SLC24A3: variants seen among roughly 807,000 people sequenced by gnomAD.
SLC24A3 encodes the protein sodium/potassium/calcium exchanger 3.
Under a neutral mutation model 75.8 loss-of-function variants are expected in SLC24A3, and 28 were observed. The observed-to-expected ratio is 0.37, with a 90% CI of 0.27 to 0.51. The LOEUF (loss-of-function observed/expected upper bound fraction) is 0.51, where lower values mean the gene tolerates loss of function less well. Ranked by LOEUF, SLC24A3 falls within the 20% of genes least tolerant of loss-of-function variation. The probability of loss-of-function intolerance (pLI) is 0.94; values close to 1 mark genes in which losing one functional copy is unlikely to be tolerated. For synonymous variants in SLC24A3, 372 were observed against 334.1 expected (o/e 1.11, Z -1.24); for missense variants, 663 against 847.8 (o/e 0.78, Z 2.71).
intron 2 of SLC24A3, among the ~76,000 whole-genome samples, chr20:19,392,648 A>G (rs534523411): frequency 7.2e-5 from 11 of 152,302 alleles, no homozygotes; most frequent in Admixed American, 1.3e-4. Flanking sequence ...TGTGCCGTTG[A>G]GATTGATGAT....
intron 2 of SLC24A3, among the ~76,000 whole-genome samples, chr20:19,452,399 TGTG>T (rs1987501321): frequency 6.7e-6 from 1 of 150,066 alleles, no homozygotes. Context: ...TGTGTGTGTG[TGTG>T]TGTGTGTGTG....
At chr20:19,294,064 A>C (rs1984006252) in intron 2 of SLC24A3, among the ~76,000 whole-genome samples, 1 of 149,468 alleles carries the variant, frequency 6.7e-6, no homozygotes, top group African/African-American at 2.6e-5. Context: ...TACCTAATAC[A>C]ATGCCTATAC....
chr20:19,693,503 C>T, intron 13 of SLC24A3, 78 bp downstream of exon 13: 1 of 1,536,798 alleles, frequency 6.5e-7, no homozygotes, highest in Non-Finnish European at 8.8e-7. Flanking sequence ...AGGGTTTCAG[C>T]CGATAACTGT....
intron 15 of SLC24A3, among the ~76,000 whole-genome samples, chr20:19,711,386 A>G (rs2032990468): frequency 1.3e-5 from 2 of 151,662 alleles, no homozygotes; most frequent in South Asian, 4.2e-4. Context: ...AAACGCACAC[A>G]TATCCACACA....
intron 3 of SLC24A3, among the ~76,000 whole-genome samples, chr20:19,564,164 G>A (rs11905994): frequency 4.6e-5 from 7 of 152,106 alleles, no homozygotes; most frequent in Non-Finnish European, 7.4e-5. Flanking sequence ...ACAGGGTATG[G>A]CACTGGGGTT....
intron 2 of SLC24A3, among the ~76,000 whole-genome samples, chr20:19,406,139 C>T (rs1020711288): frequency 6.6e-6 from 1 of 151,724 alleles, no homozygotes; most frequent in Non-Finnish European, 1.5e-5. Context: ...CAGCCCATCC[C>T]GAAGTGCTTA....
chr20:19,683,940 A>T (rs1444580355), intron 10 of SLC24A3, among the ~76,000 whole-genome samples: 1 of 152,080 alleles, frequency 6.6e-6, no homozygotes, highest in Non-Finnish European at 1.5e-5. Context: ...AGGAAAGAAG[A>T]GTGGATGGAT....
At chr20:19,656,168 C>CT (rs1308361158) in intron 7 of SLC24A3, among the ~76,000 whole-genome samples, 14 of 152,222 alleles carry the variant, frequency 9.2e-5, no homozygotes, top group Admixed American at 2.6e-4. Context: ...CAGACAGGTA[C>CT]TTCAGTGACC....
intron 2 of SLC24A3, among the ~76,000 whole-genome samples, chr20:19,333,536 C>T (rs546008215): frequency 3.9e-5 from 6 of 151,962 alleles, no homozygotes; most frequent in East Asian, 1.9e-4. Flanking sequence ...TAGGGAGAAA[C>T]GAAATTTTTT....
intron 2 of SLC24A3, among the ~76,000 whole-genome samples, chr20:19,453,884 C>T (rs1239507041): frequency 6.6e-6 from 1 of 152,200 alleles, no homozygotes; most frequent in African/African-American, 2.4e-5. Flanking sequence ...AGGGTGTTCC[C>T]AGGCTGCCCA....
Position 19,684,645 on chromosome 20 carries a change from A to G in SLC24A3, c.1062+309A>G, listed in dbSNP as rs139291605. On this transcript the variant is annotated intron_variant, in intron 11 of 16. Transcript: ENST00000328041. ...CCCCCTGATATGAACTTGCACAGAA[A>G]TTGTTTCTAACTAAGGGTTACCTTA... Among the ~76,000 whole-genome samples the G allele has an allele frequency of 3.8e-3, 575 of 152,190 alleles. 5 individuals carry two copies. The highest frequency in any genetic ancestry group is 0.013 in the African/African-American group (530 of 41,512).
chr20:19,622,537 T>C lies in SLC24A3; in HGVS notation c.613-31525T>C, dbSNP rs543174644. ...GGAGCATGGTTCAACACATTTTCAC[T>C]CTCATTCTTGGAGTCTGTGTCGACT... is the stretch of plus-strand genomic sequence containing the variant. On this transcript the variant is annotated intron_variant, in intron 6 of 16. Transcript: ENST00000328041. Among the ~76,000 whole-genome samples, 11 of 152,302 alleles carry C rather than the reference T, an allele frequency of 7.2e-5. No homozygotes were observed. The South Asian group carries it at 2.3e-3, about 32-fold the overall frequency.
At chr20:19,572,190 TA>T (rs1443823180) in intron 3 of SLC24A3, among the ~76,000 whole-genome samples, 4 of 151,878 alleles carry the variant, frequency 2.6e-5, no homozygotes, top group Non-Finnish European at 4.4e-5. Flanking sequence ...AAATGTTACG[TA>T]AAAAAACTAG....
intron 2 of SLC24A3, among the ~76,000 whole-genome samples, chr20:19,492,869 C>T (rs1362039623): frequency 2.0e-5 from 3 of 152,154 alleles, no homozygotes; most frequent in Admixed American, 6.5e-5. Context: ...ACACCAAGCA[C>T]CTTCCAGGCA....
intron 2 of SLC24A3, among the ~76,000 whole-genome samples, chr20:19,448,058 C>T (rs541513555): frequency 4.1e-4 from 62 of 152,342 alleles, no homozygotes; most frequent in African/African-American, 1.3e-3. Context: ...TTAGCTTTTC[C>T]GGCCTTAGCT....
At chr20:19,428,770 C>T (rs1427902540) in intron 2 of SLC24A3, among the ~76,000 whole-genome samples, 2 of 152,226 alleles carry the variant, frequency 1.3e-5, no homozygotes, top group Non-Finnish European at 2.9e-5. Context: ...TCCTTATCTA[C>T]ACCTTCCTTT....
At chr20:19,278,410 T>A (rs1983555160) in intron 1 of SLC24A3, among the ~76,000 whole-genome samples, 1 of 152,188 alleles carries the variant, frequency 6.6e-6, no homozygotes. Flanking sequence ...AACCACCTTC[T>A]CACAAATCCT....
chr20:19,668,890 A>G (rs971309604), intron 8 of SLC24A3, among the ~76,000 whole-genome samples: 4 of 152,170 alleles, frequency 2.6e-5, no homozygotes, highest in Non-Finnish European at 5.9e-5. Flanking sequence ...CTGCAGCCCC[A>G]GCCACCAAGT....
intron 2 of SLC24A3, among the ~76,000 whole-genome samples, chr20:19,449,046 A>G (rs898044397): frequency 3.3e-5 from 5 of 152,318 alleles, no homozygotes; most frequent in African/African-American, 1.2e-4. Flanking sequence ...TTTATTAATG[A>G]AGTGGGCAAG....
Sources: allele counts gnomAD v4.1 joint callset (sites outside exome capture counted in the v4.1 genomes callset), GRCh38; gene constraint gnomAD v4.1.1; transcripts MANE v1.5; gene names NCBI Gene and HGNC (gene_info 2026-07-23, HGNC 2026-07-21).